DMXL1: variants seen among roughly 807,000 people sequenced by gnomAD.
DMXL1 encodes the protein Dmx like 1, also known as dmX-like protein 1.
In DMXL1, 99 loss-of-function variants were observed where a neutral mutation model predicts 319.2. The observed-to-expected ratio is 0.31, with a 90% CI of 0.26 to 0.37. The LOEUF (loss-of-function observed/expected upper bound fraction) is 0.37. DMXL1 is among the 10% of genes least tolerant of loss of function. DMXL1 has a pLI of 1.00. For missense variants in DMXL1, 3,745 were observed against 3,595.6 expected, an observed-to-expected ratio of 1.04 and a Z score of -1.06; for synonymous variants, 1,385 against 1,235.2, an observed-to-expected ratio of 1.12 and a Z score of -2.54.
intron 9 of DMXL1, chr5:119,127,626 A>G (rs955199154): frequency 1.8e-5 from 3 of 168,690 alleles, no homozygotes; most frequent in Admixed American, 1.3e-4. Context: ...TTTAGTAGAG[A>G]TGGGGTTTCG....
At chr5:119,170,117 T>C (rs1774255026) in intron 23 of DMXL1, 73 bp from the exon 24 acceptor site, 36 of 1,446,676 alleles carry the variant, frequency 2.5e-5, no homozygotes, top group South Asian at 2.3e-4. Context: ...TCATAGTAGA[T>C]AGAGAAAAGA....
At chr5:119,112,670 C>T (rs1759906227) in intron 5 of DMXL1, among the ~76,000 whole-genome samples, 1 of 152,034 alleles carries the variant, frequency 6.6e-6, no homozygotes, top group African/African-American at 2.4e-5. Flanking sequence ...TTAGAAAGAG[C>T]TGTAGGCTGG....
rs574842080 is a variant in DMXL1 at position 119,131,373 on chromosome 5, G to A, written c.1316-1759G>A. Among the ~76,000 whole-genome samples the A allele has an allele frequency of 6.6e-5, 10 of 152,096 alleles. No individual in the cohort carries two copies. The East Asian group carries it at 1.4e-3, about 21-fold the overall frequency. On this transcript the variant is annotated intron_variant, in intron 10 of 43. Transcript: ENST00000539542. ...ACACAGTTTATTTTTTGTTACTAAG[G>A]TGTTGAAGGAAACCTGGAAATTGGC...
chr5:119,089,106 CCTT>C (rs982792880), intron 1 of DMXL1, among the ~76,000 whole-genome samples: 2 of 150,780 alleles, frequency 1.3e-5, no homozygotes, highest in African/African-American at 4.9e-5. Flanking sequence ...CTTTATCTCT[CCTT>C]CATATTAGAA....
At chr5:119,128,453 C>T (rs997768021) in intron 9 of DMXL1, 5 of 174,186 alleles carry the variant, frequency 2.9e-5, no homozygotes, top group South Asian at 1.3e-4. Context: ...ATACCCTCCC[C>T]ACTCCATGAC....
At position 119,089,999 on chromosome 5, in the gene DMXL1, C is replaced by CTTTT. The variant is rs70982467; in HGVS notation, c.88-7945_88-7942dup. 1.3e-3 allele frequency among the ~76,000 whole-genome samples: 46 copies of CTTTT among 34,398 alleles called. 15 individuals carry two copies. Among genetic ancestry groups the CTTTT allele is most frequent in the Non-Finnish European group, 1.6e-3 (30 of 18,758 alleles). 22.6% of individuals were successfully genotyped at this position (34,398 alleles called of 152,430 possible). A position where few individuals can be genotyped will look rare whatever the true frequency, so the allele number is the denominator to read the frequency against. On this transcript the variant is annotated intron_variant, in intron 1 of 43. Coordinates refer to ENST00000539542, the MANE Select transcript of DMXL1 (RefSeq NM_001290321.3). ...TGATTATTTTATGCTTCGGGTTAGT[C>CTTTT]TTTTTTTTTTTTTTTTTTTTTTTTT...
intron 25 of DMXL1, among the ~76,000 whole-genome samples, chr5:119,172,997 A>T (rs1363602905): frequency 6.6e-6 from 1 of 152,122 alleles, no homozygotes; most frequent in Non-Finnish European, 1.5e-5. Context: ...TCATATTTAA[A>T]ACTAATTATA....
intron 38 of DMXL1, 23 bp downstream of exon 38, chr5:119,224,792 A>G (rs761376228): frequency 9.3e-7 from 1 of 1,074,212 alleles, no homozygotes; most frequent in South Asian, 2.5e-5. Context: ...ATAATTAGCA[A>G]TTGTCCTTTC....
intron 10 of DMXL1, chr5:119,132,573 G>A: frequency 3.7e-6 from 1 of 270,378 alleles, no homozygotes; most frequent in Non-Finnish European, 7.4e-6. Flanking sequence ...CCAGCTACTT[G>A]GGAGGCTGAG....
intron 39 of DMXL1, chr5:119,236,801 A>G (rs1194152148): frequency 6.6e-6 from 1 of 151,982 alleles, no homozygotes; most frequent in African/African-American, 2.4e-5. Flanking sequence ...CAAGATCTGT[A>G]TCAAGAATAC....
chr5:119,187,691 C>A (rs1036822871), intron 28 of DMXL1, among the ~76,000 whole-genome samples: 2 of 152,142 alleles, frequency 1.3e-5, no homozygotes. Context: ...GAGATGAAGT[C>A]TTGCTCTGTT....
intron 37 of DMXL1, 97 bp downstream of exon 37, chr5:119,221,178 C>A (rs951355759): frequency 1.3e-5 from 12 of 916,646 alleles, no homozygotes; most frequent in East Asian, 1.1e-4. Context: ...TTTCTTAATT[C>A]CTAAAGTTTT....
At chr5:119,175,602 G>A (rs1042252520) in intron 26 of DMXL1, among the ~76,000 whole-genome samples, 2 of 151,922 alleles carry the variant, frequency 1.3e-5, no homozygotes, top group South Asian at 2.1e-4. Flanking sequence ...GAATTTTAAC[G>A]CAAATAATAT....
intron 2 of DMXL1, 135 bp downstream of exon 2, chr5:119,098,239 G>A: frequency 2.0e-6 from 2 of 1,006,514 alleles, no homozygotes; most frequent in Non-Finnish European, 2.9e-6. Context: ...AGAATTTTTG[G>A]CTGTCTAAGA....
At chr5:119,144,100 G>T (rs1423717462) in intron 14 of DMXL1, among the ~76,000 whole-genome samples, 170 bp downstream of exon 14, 1 of 151,508 alleles carries the variant, frequency 6.6e-6, no homozygotes, top group Non-Finnish European at 1.5e-5. Flanking sequence ...TTACTTCCTA[G>T]ACTTCAAACT....
At position 119,144,581 on chromosome 5, in the gene DMXL1, A is replaced by G. The variant is rs370191134; in HGVS notation, c.2512A>G (p.Ile838Val). Reference sequence around the variant, plus strand: ...GCTTCATGTTTTTGAAGAAGACTTCATTTTGAATAACCTTGAGAAGAAAAG... The same window carrying G: ...GCTTCATGTTTTTGAAGAAGACTTCGTTTTGAATAACCTTGAGAAGAAAAG... ...QLLHVFEEDF[I>V]LNNLEKKSLG... is the part of the protein sequence containing the mutation. Residue 838 changes from isoleucine to valine, a missense_variant, in exon 15 of 44, where the codon ATT (isoleucine) becomes GTT (valine). By Grantham distance (29) the Ile-to-Val change is conservative. Transcript: ENST00000539542. 1.9e-6 allele frequency: 3 copies of G among 1,602,050 alleles called. No homozygotes were observed. In the African/African-American group the frequency reaches 4.0e-5, roughly 22 times the overall value.
intron 21 of DMXL1, among the ~76,000 whole-genome samples, chr5:119,166,131 TTTTGAG>T (rs889977102): frequency 2.5e-4 from 38 of 152,210 alleles, no homozygotes; most frequent in Admixed American, 2.4e-3. Context: ...TCATCATTTG[TTTTGAG>T]TTTATTTCCA....
intron 28 of DMXL1, among the ~76,000 whole-genome samples, chr5:119,183,748 C>T (rs912738563): frequency 6.6e-6 from 1 of 152,140 alleles, no homozygotes; most frequent in Non-Finnish European, 1.5e-5. Flanking sequence ...TGTGAGCCAC[C>T]ACGCCTGGCC....
At chr5:119,187,180 G>A (rs1290556730) in intron 28 of DMXL1, among the ~76,000 whole-genome samples, 2 of 151,860 alleles carry the variant, frequency 1.3e-5, no homozygotes, top group Admixed American at 6.6e-5. Context: ...TTTTTCTTCA[G>A]CCACTTTGTA....
Sources: allele counts gnomAD v4.1 joint callset (sites outside exome capture counted in the v4.1 genomes callset), GRCh38; gene constraint gnomAD v4.1.1; transcripts MANE v1.5; gene names NCBI Gene and HGNC (gene_info 2026-07-23, HGNC 2026-07-21).